SNX32: variants seen among roughly 807,000 people sequenced by gnomAD.
SNX32 encodes sorting nexin 32.
Under a neutral mutation model 57.0 loss-of-function variants are expected in SNX32, and 58 were observed. The observed-to-expected ratio is 1.02, with a 90% CI of 0.82 to 1.27. The LOEUF (loss-of-function observed/expected upper bound fraction) is 1.27. Ranked by LOEUF, SNX32 falls within the 50% of genes most tolerant of loss-of-function variation. The pLI is 0.00. For synonymous variants in SNX32, 262 were observed against 220.4 expected, an observed-to-expected ratio of 1.19 and a Z score of -1.67; for missense variants, 589 against 541.2, an observed-to-expected ratio of 1.09 and a Z score of -0.88.
chr11:65,836,543 C>G (rs1858673122), intron 1 of SNX32, among the ~76,000 whole-genome samples: 1 of 151,998 alleles, frequency 6.6e-6, no homozygotes, highest in African/African-American at 2.4e-5. Flanking sequence ...GAATCTGTCT[C>G]AAAAATAAAT....
In SNX32 at chr11:65,852,447, C is replaced by G; in HGVS notation, c.826-18C>G. 1 of 1,612,250 alleles carries G rather than the reference C, an allele frequency of 6.2e-7. No homozygotes were observed. The highest frequency in any genetic ancestry group is 8.5e-7 in the Non-Finnish European group (1 of 1,178,230). On this transcript the variant is annotated intron_variant, in intron 9 of 12. Coordinates refer to ENST00000308342, the MANE Select transcript of SNX32 (RefSeq NM_152760.3). ...CCTCTGACAAGCTCCCTTCCCAGTG[C>G]CCACCTTTCTGATGCAGAAGCTGGA...
intron 1 of SNX32, among the ~76,000 whole-genome samples, chr11:65,837,893 C>T (rs898921823): frequency 3.3e-5 from 5 of 150,558 alleles, no homozygotes; most frequent in Middle Eastern, 3.2e-3. Context: ...CGGTGGCTCA[C>T]GCCTGTAATG....
intron 8 of SNX32, 59 bp downstream of exon 8, chr11:65,851,462 G>T: frequency 1.9e-6 from 3 of 1,586,470 alleles, no homozygotes; most frequent in Non-Finnish European, 2.6e-6. Flanking sequence ...GTCTTCCCAT[G>T]AGGGGTCACT....
chr11:65,847,602 A>T (rs1293956643), intron 1 of SNX32, among the ~76,000 whole-genome samples: 1 of 152,114 alleles, frequency 6.6e-6, no homozygotes, highest in Non-Finnish European at 1.5e-5. Context: ...TATATAACTT[A>T]TACCTTAATT....
intron 11 of SNX32, 28 bp downstream of exon 11, chr11:65,852,817 T>C (rs926923353): frequency 1.9e-6 from 3 of 1,611,420 alleles, no homozygotes; most frequent in Admixed American, 1.7e-5. Flanking sequence ...AGCCCCAGCC[T>C]GGGGCCACAT....
At chr11:65,839,709 G>A (rs1447205161) in intron 1 of SNX32, among the ~76,000 whole-genome samples, 1 of 148,396 alleles carries the variant, frequency 6.7e-6, no homozygotes, top group African/African-American at 2.5e-5. Flanking sequence ...CTCTAGCCTG[G>A]GTGACACAGT....
chr11:65,847,128 C>A (rs186698924), intron 1 of SNX32, among the ~76,000 whole-genome samples: 37 of 152,086 alleles, frequency 2.4e-4, no homozygotes, highest in Admixed American at 1.0e-3. Flanking sequence ...CTCAGCCCCC[C>A]CCAAGTAGCT....
intron 3 of SNX32, 45 bp downstream of exon 3, chr11:65,850,075 T>C (rs1192787546): frequency 5.0e-6 from 8 of 1,614,142 alleles, no homozygotes; most frequent in Non-Finnish European, 6.8e-6. Context: ...GGCAGAGCAC[T>C]TGGGTGAGGA....
intron 1 of SNX32, among the ~76,000 whole-genome samples, chr11:65,844,437 TAA>T (rs11332468): frequency 3.6e-4 from 52 of 146,390 alleles, no homozygotes; most frequent in Non-Finnish European, 3.6e-4. Flanking sequence ...CCCTTTTCTT[TAA>T]AAAAAAAAAA....
chr11:65,851,035 G>A lies in SNX32; in HGVS notation c.604-20G>A. On this transcript the variant is annotated intron_variant, in intron 6 of 12. Coordinates refer to ENST00000308342, the MANE Select transcript of SNX32 (RefSeq NM_152760.3). ...CCCGTGGTGACCCAGTGTAAATGGG[G>A]TCCTGCCTGGCTCCCTTAGGAGGTG... is the stretch of plus-strand genomic sequence containing the variant. 1 of 1,604,430 alleles carries A rather than the reference G, an allele frequency of 6.2e-7. No individual in the cohort carries two copies. Among genetic ancestry groups the A allele is most frequent in the Non-Finnish European group, 8.5e-7 (1 of 1,171,206 alleles).
chr11:65,851,436 G>C (rs1859192628), intron 8 of SNX32, 33 bp downstream of exon 8: 1 of 1,609,408 alleles, frequency 6.2e-7, no homozygotes, highest in African/African-American at 1.3e-5. Flanking sequence ...CCCTCTCCCT[G>C]TGCCTGTAAT....
intron 1 of SNX32, among the ~76,000 whole-genome samples, chr11:65,841,991 C>T (rs1202178492): frequency 6.6e-6 from 1 of 151,944 alleles, no homozygotes; most frequent in Non-Finnish European, 1.5e-5. Context: ...AATCAAAATC[C>T]CAGTACATTT....
intron 1 of SNX32, among the ~76,000 whole-genome samples, chr11:65,847,519 G>A (rs1257547011): frequency 6.6e-6 from 1 of 152,016 alleles, no homozygotes; most frequent in Non-Finnish European, 1.5e-5. Context: ...TCTGAGTTGG[G>A]TGATGGTTAC....
At chr11:65,834,357 CTG>C (rs541408248) in intron 1 of SNX32, among the ~76,000 whole-genome samples, 4 of 148,708 alleles carry the variant, frequency 2.7e-5, no homozygotes, top group East Asian at 2.0e-4. Context: ...GTCTGTGTGT[CTG>C]TGTGTGTCTC....
intron 1 of SNX32, among the ~76,000 whole-genome samples, chr11:65,840,296 C>T (rs1018033849): frequency 4.6e-5 from 7 of 152,158 alleles, no homozygotes; most frequent in African/African-American, 1.7e-4. Flanking sequence ...TTAAGATACC[C>T]TTGATTAAAA....
intron 6 of SNX32, 53 bp from the exon 7 acceptor site, chr11:65,851,002 T>C: frequency 6.4e-7 from 1 of 1,556,380 alleles, no homozygotes; most frequent in Non-Finnish European, 8.9e-7. Context: ...GTGCCTGTGT[T>C]GTCAAGCCCC....
At chr11:65,845,500 G>C (rs975711344) in intron 1 of SNX32, among the ~76,000 whole-genome samples, 6 of 151,834 alleles carry the variant, frequency 4.0e-5, no homozygotes, top group African/African-American at 1.5e-4. Context: ...ATTTTGGAAG[G>C]CCAAGGTGGG....
At chr11:65,849,389 G>A in intron 1 of SNX32, 89 bp from the exon 2 acceptor site, 3 of 945,734 alleles carry the variant, frequency 3.2e-6, no homozygotes, top group Admixed American at 2.1e-5. Context: ...TGCTGAAGAG[G>A]GTTCTGCAGG....
chr11:65,839,223 G>GTTTTGTTTTTTGTT (rs755185237), intron 1 of SNX32, among the ~76,000 whole-genome samples: 1 of 23,078 alleles, frequency 4.3e-5, no homozygotes, highest in South Asian at 2.0e-3. Context: ...TAATTTTTTT[G>GTTTTGTTTTTTGTT]TATTTTTTTT....
Sources: gnomAD v4.1 joint callset for allele counts (sites outside exome capture counted in the v4.1 genomes callset) on GRCh38, gnomAD v4.1.1 for gene constraint, MANE v1.5 for transcripts, NCBI Gene and HGNC (gene_info 2026-07-23, HGNC 2026-07-21) for gene names.